The following CACNA2D2 variants were observed in gnomAD, a reference collection of about 807,000 sequenced individuals.
CACNA2D2 encodes voltage-dependent calcium channel subunit alpha-2/delta-2.
A neutral mutation model predicts 166.4 loss-of-function variants in CACNA2D2; 48 were observed. That is an observed-to-expected ratio of 0.29 (90% confidence interval 0.23 to 0.37). The LOEUF (loss-of-function observed/expected upper bound fraction) is 0.37, where lower values mean the gene tolerates loss of function less well. CACNA2D2 is among the 10% of genes least tolerant of loss of function. The pLI is 1.00. For synonymous variants in CACNA2D2, 561 were observed against 573.7 expected (o/e 0.98, Z 0.32); for missense variants, 1,122 against 1,433.0 (o/e 0.78, Z 3.50).
At chr3:50,485,239 G>C (rs1387011005) in intron 1 of CACNA2D2, among the ~76,000 whole-genome samples, 1 of 151,956 alleles carries the variant, frequency 6.6e-6, no homozygotes, top group African/African-American at 2.4e-5. Flanking sequence ...CACCCCCATG[G>C]AGCTCTCTCC....
chr3:50,426,194 A>G (rs1429747413), intron 3 of CACNA2D2, among the ~76,000 whole-genome samples: 1 of 152,186 alleles, frequency 6.6e-6, no homozygotes, highest in Non-Finnish European at 1.5e-5. Flanking sequence ...CAGGGTTGAC[A>G]TCTAGTCTCC....
In CACNA2D2 at chr3:50,364,425, G is replaced by A. The variant is rs1483927766; in HGVS notation, c.*241C>T. ...CCACTGGGGGGAGCCCAGCAGGCAA[G>A]AAGGGTCTGGGGACACTTGAACAGT... On this transcript the variant is annotated 3_prime_UTR_variant, in exon 38 of 38. Coordinates refer to ENST00000424201, the MANE Select transcript of CACNA2D2 (RefSeq NM_006030.4). 1 of 512,920 alleles carries A rather than the reference G, an allele frequency of 1.9e-6. No individual in the cohort carries two copies. Among genetic ancestry groups the A allele is most frequent in the Non-Finnish European group, 3.4e-6 (1 of 297,158 alleles). The allele number at this position is 512,920 out of a possible 1,614,324, so 31.8% of individuals were successfully genotyped here.
At position 50,365,171 on chromosome 3, in the gene CACNA2D2, G is replaced by C; in HGVS notation, c.3112C>G (p.Gln1038Glu). ...AGAAGATTGGTGTTGGTCAGTCTCTGCGCGTGGAACAGCCTGCGGGCAGCC... is the reference window on the plus strand; with the variant it reads ...AGAAGATTGGTGTTGGTCAGTCTCTCCGCGTGGAACAGCCTGCGGGCAGCC... The part of the protein sequence containing the change: ...CGNCSRLFHA[Q>E]RLTNTNLLFV... Residue 1038 changes from glutamine (Q) to glutamate (E), a missense_variant, in exon 36 of 38, where the codon CAG becomes GAG. This residue lies in a region of CACNA2D2 where 282 missense variants were observed against 266.2 expected (regional missense o/e 1.06). Transcript: ENST00000424201. This position sits in a 1 kb window ranked among gnomAD's most constrained non-coding sequence, Gnocchi z 4.5. 6.2e-7 allele frequency: 1 copy of C among 1,612,138 alleles called. No homozygotes were observed. The highest frequency in any genetic ancestry group is 8.5e-7 in the Non-Finnish European group (1 of 1,179,716).
intron 3 of CACNA2D2, among the ~76,000 whole-genome samples, chr3:50,398,470 C>T (rs1293583051): frequency 1.3e-5 from 2 of 152,140 alleles, no homozygotes; most frequent in African/African-American, 4.8e-5. Flanking sequence ...GTAACCTGGC[C>T]CTGGGCATAC....
At chr3:50,492,460 G>A (rs988684838) in intron 1 of CACNA2D2, among the ~76,000 whole-genome samples, 2 of 152,200 alleles carry the variant, frequency 1.3e-5, no homozygotes, top group Non-Finnish European at 2.9e-5. Context: ...CAAACCCCAG[G>A]TTTGGGTCTA....
At chr3:50,471,141 G>A (rs1444455771) in intron 2 of CACNA2D2, among the ~76,000 whole-genome samples, 3 of 152,128 alleles carry the variant, frequency 2.0e-5, no homozygotes, top group South Asian at 2.1e-4. Context: ...GGCCTCAACA[G>A]GAGGTGGCTG....
chr3:50,481,891 G>A (rs1012379373), intron 1 of CACNA2D2, among the ~76,000 whole-genome samples: 1 of 152,176 alleles, frequency 6.6e-6, no homozygotes, highest in African/African-American at 2.4e-5. Flanking sequence ...AGCTACCCGG[G>A]AGGCTGAGGT....
intron 3 of CACNA2D2, among the ~76,000 whole-genome samples, chr3:50,414,163 C>T (rs999870604): frequency 3.3e-5 from 5 of 152,146 alleles, no homozygotes; most frequent in African/African-American, 4.8e-5. Context: ...CATGCAGTCA[C>T]GCCAGGCAGC....
chr3:50,438,044 G>C (rs1708428471), intron 2 of CACNA2D2, among the ~76,000 whole-genome samples: 1 of 152,254 alleles, frequency 6.6e-6, no homozygotes, highest in Admixed American at 6.5e-5. Flanking sequence ...GGGAGGGAGA[G>C]GCAGCAGCTT....
In CACNA2D2 at chr3:50,363,142, A is replaced by G. The variant is rs1399193037; in HGVS notation, c.*1524T>C. 1.5e-5 allele frequency: 6 copies of G among 398,702 alleles called. No individual in the cohort carries two copies. Among genetic ancestry groups the G allele is most frequent in the African/African-American group, 1.2e-4 (6 of 48,586 alleles). 24.7% of individuals were successfully genotyped at this position (398,702 alleles called of 1,614,324 possible). On this transcript the variant is annotated 3_prime_UTR_variant, in exon 38 of 38. Transcript: ENST00000424201. ...TATATATTTTTCTGTATATGTTTATATTCTCCATTGAGCACCTGACTACAC... is the reference window on the plus strand; with the variant it reads ...TATATATTTTTCTGTATATGTTTATGTTCTCCATTGAGCACCTGACTACAC...
intron 2 of CACNA2D2, among the ~76,000 whole-genome samples, chr3:50,452,710 A>G (rs576381497): frequency 2.0e-5 from 3 of 152,370 alleles, no homozygotes; most frequent in East Asian, 3.9e-4. Context: ...TTGGCAGGAT[A>G]TAAGATGATT....
chr3:50,489,957 GGGACCC>G (rs1698455366), intron 1 of CACNA2D2, among the ~76,000 whole-genome samples: 2 of 152,228 alleles, frequency 1.3e-5, no homozygotes. Context: ...CCCAAGAGCA[GGGACCC>G]AGTTGGCCCT....
At chr3:50,455,472 G>A (rs1709312725) in intron 2 of CACNA2D2, among the ~76,000 whole-genome samples, 1 of 152,230 alleles carries the variant, frequency 6.6e-6, no homozygotes, top group Non-Finnish European at 1.5e-5. Flanking sequence ...CTGCTCCTGC[G>A]GCGTGGAGAG....
intron 1 of CACNA2D2, among the ~76,000 whole-genome samples, chr3:50,495,272 A>G (rs980671850): frequency 1.3e-5 from 2 of 152,212 alleles, no homozygotes; most frequent in African/African-American, 4.8e-5. Context: ...GGTTGCACCC[A>G]GGCTCCCTGC....
chr3:50,400,169 A>G (rs1706374864), intron 3 of CACNA2D2, among the ~76,000 whole-genome samples: 1 of 152,282 alleles, frequency 6.6e-6, no homozygotes, highest in African/African-American at 2.4e-5. Context: ...GCATAATTAA[A>G]ATATCTGCAT....
intron 3 of CACNA2D2, among the ~76,000 whole-genome samples, chr3:50,426,947 G>A (rs1403419937): frequency 6.6e-6 from 1 of 152,196 alleles, no homozygotes; most frequent in Non-Finnish European, 1.5e-5. Context: ...GACCTTCCCA[G>A]GGAGACCAGC....
At chr3:50,487,240 C>T (rs1220091757) in intron 1 of CACNA2D2, among the ~76,000 whole-genome samples, 3 of 152,216 alleles carry the variant, frequency 2.0e-5, no homozygotes, top group Non-Finnish European at 2.9e-5. Context: ...GTAAGAGCCG[C>T]CCCTCGTATA....
chr3:50,485,740 C>T (rs1698252504), intron 1 of CACNA2D2, among the ~76,000 whole-genome samples: 1 of 152,218 alleles, frequency 6.6e-6, no homozygotes, highest in Non-Finnish European at 1.5e-5. Context: ...GTAAAACCAG[C>T]AACTGCCCTG....
chr3:50,432,753 T>A lies in CACNA2D2; in HGVS notation c.405+1560A>T, dbSNP rs181648966. Reference sequence around the variant, plus strand: ...GGGTGGGAGGTCCTCAGAGTCCACCTTCTCTGGGAAGCTGGCCCCAAGAAG... The same window carrying A: ...GGGTGGGAGGTCCTCAGAGTCCACCATCTCTGGGAAGCTGGCCCCAAGAAG... On this transcript the variant is annotated intron_variant, in intron 3 of 37. Transcript: ENST00000424201. 4.1e-3 allele frequency among the ~76,000 whole-genome samples: 627 copies of A among 152,336 alleles called. 8 individuals are homozygous for A. The highest frequency in any genetic ancestry group is 0.014 in the African/African-American group (573 of 41,580).
Sources: allele counts gnomAD v4.1 joint callset (sites outside exome capture counted in the v4.1 genomes callset), GRCh38; gene constraint gnomAD v4.1.1; regional missense constraint gnomAD v4.1.1; non-coding constraint Gnocchi (gnomAD v3.1); transcripts MANE v1.5; gene names NCBI Gene and HGNC (gene_info 2026-07-23, HGNC 2026-07-21).